The following BCL2L13 variants were observed in gnomAD, a reference collection of about 807,000 sequenced individuals.
BCL2L13 encodes the protein BCL2 like 13.
BCL2L13 carries 13 observed loss-of-function variants against 25.8 expected under a neutral mutation model. The ratio of observed to expected loss-of-function variants is 0.50; its 90% CI spans 0.33 to 0.80. BCL2L13 has a LOEUF of 0.80. Ranked by LOEUF, BCL2L13 falls within the 30% of genes least tolerant of loss-of-function variation. The pLI is 0.02. For synonymous variants in BCL2L13, 244 were observed against 230.3 expected (o/e 1.06, Z -0.54); for missense variants, 504 against 574.9 (o/e 0.88, Z 1.26).
chr22:17,704,979 A>C (rs1357099911), intron 6 of BCL2L13, among the ~76,000 whole-genome samples: 2 of 146,550 alleles, frequency 1.4e-5, no homozygotes, highest in Admixed American at 6.6e-5. Flanking sequence ...TCAGTTTTGA[A>C]AGATAGGCAA....
intron 3 of BCL2L13, 29 bp downstream of exon 3, chr22:17,683,350 T>C: frequency 7.7e-7 from 1 of 1,295,918 alleles, no homozygotes; most frequent in Non-Finnish European, 1.1e-6. Flanking sequence ...TTCTAGTTAA[T>C]AAGCAGATTG....
intron 2 of BCL2L13, among the ~76,000 whole-genome samples, chr22:17,674,607 A>C (rs1207472001): frequency 5.4e-4 from 2 of 3,670 alleles, no homozygotes; most frequent in Admixed American, 2.7e-3. Context: ...CTCTGTCTCA[A>C]AAAAAAAAAA....
intron 1 of BCL2L13, among the ~76,000 whole-genome samples, chr22:17,644,429 C>T (rs2058400796): frequency 6.7e-6 from 1 of 148,800 alleles, no homozygotes; most frequent in Non-Finnish European, 1.5e-5. Flanking sequence ...CTCCTGGGTT[C>T]ACGCCATTCT....
At chr22:17,700,724 T>C (rs1467928485) in intron 5 of BCL2L13, among the ~76,000 whole-genome samples, 6 of 152,194 alleles carry the variant, frequency 3.9e-5, no homozygotes, top group African/African-American at 9.7e-5. Context: ...TACTCCATCA[T>C]TGTTAAGAAG....
At chr22:17,722,376 GGGGT>G (rs758712939) in intron 6 of BCL2L13, among the ~76,000 whole-genome samples, 4,544 of 67,858 alleles carry the variant, frequency 0.067, 213 homozygotes, top group African/African-American at 0.15. Flanking sequence ...TGAGACTACA[GGGGT>G]GTGTGTGTGT....
chr22:17,685,754 CTTTTTCTTTT>C (rs1214448120), intron 3 of BCL2L13, among the ~76,000 whole-genome samples: 72 of 53,968 alleles, frequency 1.3e-3, no homozygotes, highest in African/African-American at 4.4e-3. Flanking sequence ...ATAATTTTTT[CTTTTTCTTTT>C]TTTTTTTTTT....
intron 2 of BCL2L13, among the ~76,000 whole-genome samples, chr22:17,669,064 G>A (rs1159078924): frequency 5.0e-5 from 6 of 118,816 alleles, no homozygotes; most frequent in Admixed American, 2.6e-4. Flanking sequence ...ACGGAGTCTC[G>A]CTCTGTCGCC....
intron 6 of BCL2L13, among the ~76,000 whole-genome samples, chr22:17,725,388 C>T (rs1011232028): frequency 3.9e-5 from 6 of 152,108 alleles, no homozygotes; most frequent in African/African-American, 1.4e-4. Context: ...GTGCTTTTGC[C>T]TGCATTGTGT....
intron 2 of BCL2L13, among the ~76,000 whole-genome samples, chr22:17,664,108 T>C (rs1269124340): frequency 6.6e-6 from 1 of 152,048 alleles, no homozygotes; most frequent in Non-Finnish European, 1.5e-5. Context: ...CTCAGCCTCC[T>C]GAAGTGCTGG....
chr22:17,712,938 TAATG>T (rs777738968), intron 6 of BCL2L13, among the ~76,000 whole-genome samples: 6 of 152,214 alleles, frequency 3.9e-5, no homozygotes, highest in Non-Finnish European at 8.8e-5. Flanking sequence ...ACCTTACAGT[TAATG>T]AAATGTCTAA....
intron 4 of BCL2L13, among the ~76,000 whole-genome samples, chr22:17,689,671 C>T (rs1568977499): frequency 6.6e-6 from 1 of 151,758 alleles, no homozygotes; most frequent in Admixed American, 6.6e-5. Flanking sequence ...GGTGAAACCT[C>T]GTCTCTACTA....
At position 17,641,805 on chromosome 22, in the gene BCL2L13, T is replaced by G. The variant is rs549925810; in HGVS notation, c.-51+2919T>G. On this transcript the variant is annotated intron_variant, in intron 1 of 6. Coordinates refer to ENST00000317582, the MANE Select transcript of BCL2L13 (RefSeq NM_015367.4). ...TGGGATCACATAATATGTGTTTTTT[T>G]TTTTTTTTTTTTGAGAATGAGTCTC... 6.0e-5 allele frequency among the ~76,000 whole-genome samples: 9 copies of G among 150,892 alleles called. No homozygotes were observed. The East Asian group carries it at 1.7e-3, about 29-fold the overall frequency.
intron 2 of BCL2L13, among the ~76,000 whole-genome samples, chr22:17,664,237 G>A (rs1158491402): frequency 2.6e-5 from 4 of 151,396 alleles, no homozygotes; most frequent in Admixed American, 6.6e-5. Flanking sequence ...CAGCTGCCTC[G>A]GCCTCCCAAA....
At chr22:17,637,297 C>A (rs1032201786), upstream of BCL2L13, among the ~76,000 whole-genome samples, 1 of 150,390 alleles carries the variant, frequency 6.6e-6, no homozygotes, top group African/African-American at 2.4e-5. Flanking sequence ...ATCCCAGCTA[C>A]TTGGGAGGCT....
At chr22:17,689,881 G>C (rs1378868226) in intron 4 of BCL2L13, among the ~76,000 whole-genome samples, 2 of 149,544 alleles carry the variant, frequency 1.3e-5, no homozygotes, top group Middle Eastern at 3.5e-3. Flanking sequence ...CGTTATATCT[G>C]TATCCCAGAA....
upstream of BCL2L13, among the ~76,000 whole-genome samples, chr22:17,635,082 CTG>C (rs2058083130): frequency 6.6e-6 from 1 of 151,686 alleles, no homozygotes; most frequent in African/African-American, 2.4e-5. Context: ...CTATTAAAAT[CTG>C]TCCAAAACTC....
chr22:17,656,713 C>T (rs1489582649), intron 2 of BCL2L13, among the ~76,000 whole-genome samples: 3 of 151,922 alleles, frequency 2.0e-5, no homozygotes, highest in Admixed American at 6.6e-5. Flanking sequence ...TACATTTTTT[C>T]GATACTTCAC....
intron 1 of BCL2L13, among the ~76,000 whole-genome samples, chr22:17,639,283 C>T (rs2058182122): frequency 1.3e-5 from 2 of 152,250 alleles, no homozygotes; most frequent in South Asian, 4.1e-4. Context: ...CTGCGATTCA[C>T]TTAGAACACT....
At chr22:17,678,108 G>T (rs904852910) in intron 2 of BCL2L13, among the ~76,000 whole-genome samples, 2 of 152,006 alleles carry the variant, frequency 1.3e-5, no homozygotes, top group South Asian at 4.1e-4. Context: ...CAGCAGCCTC[G>T]ACCTCCCAGG....
Sources: allele counts gnomAD v4.1 joint callset (sites outside exome capture counted in the v4.1 genomes callset), GRCh38; gene constraint gnomAD v4.1.1; transcripts MANE v1.5; gene names NCBI Gene and HGNC (gene_info 2026-07-23, HGNC 2026-07-21).